SLCO5A1: variants seen among roughly 807,000 people sequenced by gnomAD.
SLCO5A1 encodes solute carrier organic anion transporter family member 5A1.
In SLCO5A1, 39 loss-of-function variants were observed where a neutral mutation model predicts 65.1. That is an observed-to-expected ratio of 0.60 (90% confidence interval 0.46 to 0.78). The LOEUF (loss-of-function observed/expected upper bound fraction) is 0.78. SLCO5A1 is among the 30% of genes least tolerant of loss of function. The pLI is 0.00. For missense variants in SLCO5A1, 1,029 were observed against 1,069.4 expected, an observed-to-expected ratio of 0.96 and a Z score of 0.53; for synonymous variants, 438 against 415.7, an observed-to-expected ratio of 1.05 and a Z score of -0.65.
chr8:69,815,320 T>C (rs1458919468), intron 2 of SLCO5A1, among the ~76,000 whole-genome samples: 2 of 152,200 alleles, frequency 1.3e-5, no homozygotes, highest in African/African-American at 4.8e-5. Flanking sequence ...AAGTGTTTAG[T>C]ACAATGCCTG....
At chr8:69,704,095 A>T (rs1814864693) in intron 6 of SLCO5A1, among the ~76,000 whole-genome samples, 1 of 151,124 alleles carries the variant, frequency 6.6e-6, no homozygotes, top group African/African-American at 2.4e-5. Context: ...TAAATGGGTT[A>T]CCACTATGTT....
intron 4 of SLCO5A1, among the ~76,000 whole-genome samples, chr8:69,738,537 A>G (rs2130843851): frequency 6.6e-6 from 1 of 152,318 alleles, no homozygotes; most frequent in Admixed American, 6.5e-5. Context: ...TAATTAAGGC[A>G]ATGCTATTTA....
chr8:69,797,905 TG>T (rs1317979525), intron 2 of SLCO5A1, among the ~76,000 whole-genome samples: 3 of 152,220 alleles, frequency 2.0e-5, no homozygotes, highest in African/African-American at 7.2e-5. Flanking sequence ...GTGAAGCATG[TG>T]ATCTCTGTGA....
intron 6 of SLCO5A1, among the ~76,000 whole-genome samples, chr8:69,699,332 G>C (rs1326394727): frequency 6.6e-6 from 1 of 152,098 alleles, no homozygotes; most frequent in East Asian, 1.9e-4. Context: ...ACCCAGGCCC[G>C]TTCCCCCAAC....
At chr8:69,758,367 G>T (rs1398963988) in intron 3 of SLCO5A1, among the ~76,000 whole-genome samples, 1 of 151,104 alleles carries the variant, frequency 6.6e-6, no homozygotes, top group Non-Finnish European at 1.5e-5. Flanking sequence ...GTAGAGAAGT[G>T]GGGGGTCTCA....
intron 6 of SLCO5A1, among the ~76,000 whole-genome samples, chr8:69,690,268 T>G (rs959881198): frequency 1.3e-5 from 2 of 152,216 alleles, no homozygotes; most frequent in Non-Finnish European, 2.9e-5. Context: ...TTTGGCTACC[T>G]TAAGAGAGTC....
At chr8:69,710,019 C>CTTTTTTTTTT (rs33961429) in intron 5 of SLCO5A1, among the ~76,000 whole-genome samples, 10 of 122,904 alleles carry the variant, frequency 8.1e-5, no homozygotes, top group African/African-American at 2.1e-4. Flanking sequence ...TCGGCAACAG[C>CTTTTTTTTTT]TTTTTTTTTT....
intron 4 of SLCO5A1, among the ~76,000 whole-genome samples, chr8:69,739,356 TA>T (rs1373173312): frequency 6.6e-6 from 1 of 152,148 alleles, no homozygotes; most frequent in African/African-American, 2.4e-5. Context: ...AGCAGTATAT[TA>T]AAAGCCTATG....
At chr8:69,777,278 G>A (rs764331255) in intron 2 of SLCO5A1, among the ~76,000 whole-genome samples, 5 of 152,158 alleles carry the variant, frequency 3.3e-5, no homozygotes, top group Non-Finnish European at 7.3e-5. Context: ...TAATTATGTT[G>A]AGTGAAAGAA....
At chr8:69,745,288 A>G (rs13275526) in intron 4 of SLCO5A1, among the ~76,000 whole-genome samples, 2 of 151,472 alleles carry the variant, frequency 1.3e-5, no homozygotes, top group African/African-American at 4.9e-5. Context: ...CTTCCCCAGG[A>G]TGTGTTGTTT....
intron 6 of SLCO5A1, among the ~76,000 whole-genome samples, chr8:69,687,761 T>C (rs1450052914): frequency 1.3e-5 from 2 of 152,016 alleles, no homozygotes; most frequent in African/African-American, 4.8e-5. Context: ...CAAGATTGTA[T>C]GTAAAGTTTT....
chr8:69,699,562 C>G (rs1437618137), intron 6 of SLCO5A1, among the ~76,000 whole-genome samples: 1 of 72,698 alleles, frequency 1.4e-5, no homozygotes. Flanking sequence ...CACACACACA[C>G]ACAGCAAACT....
chr8:69,719,714 T>A (rs1366116514), intron 5 of SLCO5A1: 2 of 152,234 alleles, frequency 1.3e-5, no homozygotes, highest in African/African-American at 4.8e-5. Context: ...CCTGCACAGC[T>A]GCAAGATCAC....
rs369916833 is a variant in SLCO5A1 at position 69,758,521 on chromosome 8, C to G, written c.1041-2880G>C. Among the ~76,000 whole-genome samples, 11 of 152,104 alleles carry G rather than the reference C, an allele frequency of 7.2e-5. No homozygotes were observed. In the East Asian group the frequency reaches 7.7e-4, roughly 11 times the overall value. On this transcript the variant is annotated intron_variant, in intron 3 of 9. Coordinates refer to ENST00000260126, the MANE Select transcript of SLCO5A1 (RefSeq NM_030958.3). ...TTGCACTCAACCTCCCTGCCCATCC[C>G]AGCCCCAGCCATTAACTTAAGATTA...
At chr8:69,833,387 G>A (rs1821267475) in intron 1 of SLCO5A1, 1 of 152,262 alleles carries the variant, frequency 6.6e-6, no homozygotes, top group Admixed American at 6.5e-5. Context: ...CTCCCTCATT[G>A]TCTGCCGCGG....
intron 6 of SLCO5A1, among the ~76,000 whole-genome samples, chr8:69,693,680 A>G (rs185759828): frequency 6.6e-6 from 1 of 152,366 alleles, no homozygotes; most frequent in African/African-American, 2.4e-5. Context: ...AATAAGGAGA[A>G]AAATACCATT....
chr8:69,776,917 C>T (rs1227141306), intron 2 of SLCO5A1, among the ~76,000 whole-genome samples: 1 of 152,154 alleles, frequency 6.6e-6, no homozygotes, highest in African/African-American at 2.4e-5. Flanking sequence ...ACCAAGTGTT[C>T]TTGAGGATGT....
intron 2 of SLCO5A1, among the ~76,000 whole-genome samples, chr8:69,827,368 G>A (rs959295474): frequency 3.9e-5 from 6 of 152,050 alleles, no homozygotes; most frequent in African/African-American, 7.2e-5. Context: ...TACCTACAAA[G>A]CTTTCTCTAT....
chr8:69,825,399 T>C (rs1234254549), intron 2 of SLCO5A1, among the ~76,000 whole-genome samples: 2 of 152,086 alleles, frequency 1.3e-5, no homozygotes, highest in African/African-American at 4.8e-5. Context: ...CAGCCCAAAA[T>C]CTCCTTAAGC....
Sources: gnomAD v4.1 joint callset for allele counts (sites outside exome capture counted in the v4.1 genomes callset) on GRCh38, gnomAD v4.1.1 for gene constraint, MANE v1.5 for transcripts, NCBI Gene and HGNC (gene_info 2026-07-23, HGNC 2026-07-21) for gene names.